Variants in MYCBPAP observed in about 807,000 individuals in gnomAD.
MYCBPAP encodes MYCBP-associated protein.
Under a neutral mutation model 106.1 loss-of-function variants are expected in MYCBPAP, and 60 were observed. The ratio of observed to expected loss-of-function variants is 0.57; its 90% CI spans 0.46 to 0.70. The LOEUF is 0.70. MYCBPAP is among the 30% of genes least tolerant of loss of function. MYCBPAP has a pLI of 0.00. For synonymous variants in MYCBPAP, 407 were observed against 440.6 expected (o/e 0.92, Z 0.95); for missense variants, 1,064 against 1,169.3 (o/e 0.91, Z 1.31).
Position 50,526,027 on chromosome 17 carries a change from G to T in MYCBPAP, c.1929G>T (p.Glu643Asp). The T allele has an allele frequency of 6.2e-7, 1 of 1,614,014 alleles. No homozygotes were observed. The highest frequency in any genetic ancestry group is 8.5e-7 in the Non-Finnish European group (1 of 1,180,044). ...IATEKASVNA[E>D]LLPRFRSPIS... ...CAGAGAAGGCCTCTGTGAATGCTGA[G>T]CTGTTACCACGCTTTAGGAGCCCCA... Residue 643 changes from glutamate to aspartate, a missense_variant, in exon 14 of 19, where the codon GAG becomes GAT. Physicochemically the swap from Glu to Asp is conservative, Grantham distance 45. Transcript: ENST00000323776.
chr17:50,522,225 A>T, intron 10 of MYCBPAP, 144 bp downstream of exon 10: 1 of 591,108 alleles, frequency 1.7e-6, no homozygotes, highest in Admixed American at 2.8e-5. Context: ...AAATGGTGAC[A>T]GCAACACTGA....
intron 12 of MYCBPAP, among the ~76,000 whole-genome samples, 166 bp from the exon 13 acceptor site, chr17:50,524,711 C>CGTGTGTGTGTGTGTGT (rs1555621272): frequency 1.4e-4 from 19 of 138,816 alleles, no homozygotes; most frequent in South Asian, 2.4e-4. Context: ...TTAGAACAGG[C>CGTGTGTGTGTGTGTGT]GTGTGTGTGT....
In MYCBPAP at chr17:50,517,600, G is replaced by T. The variant is rs766370500; in HGVS notation, c.370G>T (p.Gly124Cys). 1.2e-6 allele frequency: 2 copies of T among 1,614,082 alleles called. No homozygotes were observed. Among genetic ancestry groups the T allele is most frequent in the Admixed American group, 3.3e-5 (2 of 60,008 alleles). Residue 124 changes from glycine (G) to cysteine (C), a missense_variant, in exon 4 of 19, where the codon GGT becomes TGT. Gly to Cys is a radical substitution (Grantham distance 159). Transcript: ENST00000323776. ...TTCTTCTTTTATCCTCCCAGGTCCC[G>T]GTGACAGCTTCGATGGCAGTGACCA... ...ATKPLDYSGPGDSFDGSDQIL... is the reference protein window; with the variant it reads ...ATKPLDYSGPCDSFDGSDQIL...
chr17:50,516,895 A>G (rs866791245), intron 2 of MYCBPAP, among the ~76,000 whole-genome samples, 198 bp downstream of exon 2: 4 of 152,218 alleles, frequency 2.6e-5, no homozygotes, highest in African/African-American at 2.4e-5. Flanking sequence ...TGAGATTCAT[A>G]TAGAACCACA....
intron 1 of MYCBPAP, among the ~76,000 whole-genome samples, chr17:50,511,259 C>T (rs893450089): frequency 6.6e-6 from 1 of 152,014 alleles, no homozygotes; most frequent in African/African-American, 2.4e-5. Context: ...GTGACTTAAA[C>T]CTGTTTCTCG....
Position 50,518,970 on chromosome 17 carries a change from C to A in MYCBPAP, c.653-4C>A. 1 of 1,612,670 alleles carries A rather than the reference C, an allele frequency of 6.2e-7. No homozygotes were observed. The highest frequency in any genetic ancestry group is 2.2e-5 in the East Asian group (1 of 44,882). ...AGTGGCGGCAATCTTGCCTCTCTCTCTAGAACACCTAAAGAAGCCAGTGAG... is the reference window on the plus strand; with the variant it reads ...AGTGGCGGCAATCTTGCCTCTCTCTATAGAACACCTAAAGAAGCCAGTGAG... On this transcript the variant is annotated splice_polypyrimidine_tract_variant and splice_region_variant and intron_variant, in intron 5 of 18. Transcript: ENST00000323776.
chr17:50,529,731 G>C (rs761072304), intron 18 of MYCBPAP: 32 of 456,120 alleles, frequency 7.0e-5, no homozygotes, highest in Non-Finnish European at 1.2e-4. Flanking sequence ...GAACAGAGAG[G>C]AAGGAAGCCC....
Position 50,521,180 on chromosome 17 carries a change from C to T in MYCBPAP, c.987C>T (p.Arg329=). 6.2e-7 allele frequency: 1 copy of T among 1,613,772 alleles called. No homozygotes were observed. The highest frequency in any genetic ancestry group is 1.1e-5 in the South Asian group (1 of 90,884). ...WDRSLFLIYR[R]KELQRIMEEL... ...GGAGTCTGTTTCTGATCTACCGACGCAAGGAGCTGCAGAGAATCATGGAAG... is the reference window on the plus strand; with the variant it reads ...GGAGTCTGTTTCTGATCTACCGACGTAAGGAGCTGCAGAGAATCATGGAAG... Residue 329 remains arginine, a synonymous_variant, in exon 8 of 19, where the codon CGC becomes CGT. Transcript: ENST00000323776.
In MYCBPAP at chr17:50,517,328, A is replaced by C. The variant is rs1417928257; in HGVS notation, c.240A>C (p.Lys80Asn). 1 of 1,614,140 alleles carries C rather than the reference A, an allele frequency of 6.2e-7. No individual in the cohort carries two copies. The highest frequency in any genetic ancestry group is 1.7e-5 in the Admixed American group (1 of 60,020). The change falls in exon 3 of 19, where the codon AAA becomes AAC. Residue 80 changes from lysine to asparagine, a missense_variant. Coordinates refer to ENST00000323776, the MANE Select transcript of MYCBPAP (RefSeq NM_032133.6). The stretch of plus-strand genomic sequence containing the variant: ...CTCGCCTTACTGAAAAGGAAGATAA[A>C]CGTGTCATCACCCAGAAATTTATCA... ...HIPRLTEKED[K>N]RVITQKFIIR...
At chr17:50,529,671 T>C (rs934643150) in intron 18 of MYCBPAP, 6 of 447,456 alleles carry the variant, frequency 1.3e-5, no homozygotes, top group African/African-American at 8.0e-5. Context: ...TAGGGTCTGA[T>C]AGGCTTTAGA....
rs376014885 is a variant in MYCBPAP, at chr17:50,523,752, G to A, written c.1603G>A (p.Asp535Asn). ...TCTCCACGCGGTCTCCCTGACCCAGGACGTTTTTGAGGATGAGAGGAAAGT... is the reference window on the plus strand; with the variant it reads ...TCTCCACGCGGTCTCCCTGACCCAGAACGTTTTTGAGGATGAGAGGAAAGT... ...VNLHAVSLTQ[D>N]VFEDERKVLE... Residue 535 changes from aspartate to asparagine, a missense_variant, in exon 12 of 19, where the codon GAC becomes AAC. Transcript: ENST00000323776. 1.2e-5 allele frequency: 20 copies of A among 1,614,006 alleles called. No homozygotes were observed. The highest frequency in any genetic ancestry group is 1.6e-5 in the Non-Finnish European group (19 of 1,180,014).
rs924437050 is a variant in MYCBPAP at position 50,522,148 on chromosome 17, CA to C, written c.1257+68del. On this transcript the variant is annotated intron_variant, in intron 10 of 18. Transcript: ENST00000323776. ...AGGGGTGCAGCCCTGAGGTGACTGG[CA>C]GTTACCAGCAGCCTGCACAGTCTCC... 1.2e-5 allele frequency: 15 copies of C among 1,277,114 alleles called. No individual in the cohort carries two copies. In the African/African-American group the frequency reaches 1.8e-4, roughly 15 times the overall value. The allele number at this position is 1,277,114 out of a possible 1,614,324, so 79.1% of individuals were successfully genotyped here. A position where few individuals can be genotyped will look rare whatever the true frequency, so the allele number is the denominator to read the frequency against.
At position 50,522,009 on chromosome 17, in the gene MYCBPAP, T is replaced by C; in HGVS notation, c.1185T>C (p.Pro395=). ...CCAGTTCCTCTGATGTCTCCATGCC[T>C]ATTCTCGGCCCTTCTCTGCTGTTCT... The part of the protein sequence containing the change: ...TLASSSDVSM[P]ILGPSLLFCG... Residue 395 remains proline, a synonymous_variant, in exon 10 of 19, where the codon CCT becomes CCC. Transcript: ENST00000323776. 1.9e-6 allele frequency: 3 copies of C among 1,613,934 alleles called. No individual in the cohort carries two copies. The highest frequency in any genetic ancestry group is 2.5e-6 in the Non-Finnish European group (3 of 1,179,812).
intron 2 of MYCBPAP, 39 bp from the exon 3 acceptor site, chr17:50,517,254 A>C (rs780319137): frequency 6.3e-7 from 1 of 1,593,656 alleles, no homozygotes; most frequent in South Asian, 1.1e-5. Flanking sequence ...TCCTCCTGCC[A>C]CCACAGGTGG....
In MYCBPAP at chr17:50,518,616, CCA is replaced by C. The variant is rs2034139526; in HGVS notation, c.545_546del (p.Pro182GlnfsTer23). 2.5e-6 allele frequency: 4 copies of C among 1,610,232 alleles called. No homozygotes were observed. Among genetic ancestry groups the C allele is most frequent in the Non-Finnish European group, 3.4e-6 (4 of 1,178,824 alleles). ...SAEGESKQKA[P>X]KEEKRPPWAP... ...TGAAGGAGAGTCAAAGCAAAAAGCCCCAAAAGAAGAGAAGAGACCTCCCTGGG... is the reference window on the plus strand; with the variant it reads ...TGAAGGAGAGTCAAAGCAAAAAGCCCAAAGAAGAGAAGAGACCTCCCTGGG... On this transcript the variant is annotated frameshift_variant, in exon 5 of 19. Transcript: ENST00000323776. LOFTEE classifies it high-confidence loss of function.
chr17:50,524,801 G>C, intron 12 of MYCBPAP, 76 bp from the exon 13 acceptor site: 2 of 1,528,270 alleles, frequency 1.3e-6, no homozygotes, highest in East Asian at 2.3e-5. Flanking sequence ...CAAAGTCCTG[G>C]GGGCTCCAAC....
At chr17:50,526,581 C>T (rs1432925580) in intron 14 of MYCBPAP, among the ~76,000 whole-genome samples, 1 of 108,634 alleles carries the variant, frequency 9.2e-6, no homozygotes, top group Non-Finnish European at 1.9e-5. Context: ...TGTGCCACCA[C>T]ACCTGGCTAA....
chr17:50,521,829 C>G, intron 9 of MYCBPAP, 144 bp from the exon 10 acceptor site: 1 of 668,488 alleles, frequency 1.5e-6, no homozygotes, highest in East Asian at 2.8e-5. Context: ...CAGGAGGAAG[C>G]TGCGTGGGAG....
At chr17:50,515,253 C>G (rs1462520107) in intron 1 of MYCBPAP, among the ~76,000 whole-genome samples, 1 of 152,102 alleles carries the variant, frequency 6.6e-6, no homozygotes, top group South Asian at 2.1e-4. Context: ...GTTGTTCCCC[C>G]CCACCATGTT....
Sources: allele counts gnomAD v4.1 joint callset (sites outside exome capture counted in the v4.1 genomes callset), GRCh38; gene constraint gnomAD v4.1.1; transcripts MANE v1.5; gene names NCBI Gene and HGNC (gene_info 2026-07-23, HGNC 2026-07-21).